Variants in PPP1R3F observed in about 807,000 individuals in gnomAD.
The protein encoded by PPP1R3F is protein phosphatase 1 regulatory subunit 3F.
A neutral mutation model predicts 24.2 loss-of-function variants in PPP1R3F; 29 were observed. That is an observed-to-expected ratio of 1.20 (90% CI 0.89 to 1.63). The LOEUF (loss-of-function observed/expected upper bound fraction) is 1.63. Among genes scored for constraint, PPP1R3F ranks in the 40% most tolerant of loss-of-function variants. The probability of loss-of-function intolerance (pLI) is 0.00; values close to 1 mark genes in which losing one functional copy is unlikely to be tolerated. For synonymous variants in PPP1R3F, 363 were observed against 340.1 expected (o/e 1.07, Z -0.74); for missense variants, 823 against 729.3 (o/e 1.13, Z -1.48).
At chrX:49,273,597 A>G (rs1014405473) in intron 1 of PPP1R3F, 14 of 112,490 alleles carry the variant, frequency 1.2e-4, no homozygotes, top group African/African-American at 4.5e-4. Flanking sequence ...TGGTGAGTAC[A>G]TTTCAACATA....
rs1205878535 is a variant in PPP1R3F, at chrX:49,270,048, C to G, written c.179C>G (p.Pro60Arg). The G allele has an allele frequency of 3.1e-6, 3 of 975,619 alleles. No individual in the cohort carries two copies. The African/African-American group carries it at 6.1e-5, about 20-fold the overall frequency. The allele number at this position is 975,619 out of a possible 1,213,427, so 80.4% of individuals were successfully genotyped here. A position where few individuals can be genotyped will look rare whatever the true frequency, so the allele number is the denominator to read the frequency against. The change falls in exon 1 of 4, where the codon CCC (proline) becomes CGC (arginine). Residue 60 changes from proline to arginine, a missense_variant. Coordinates refer to ENST00000055335, the MANE Select transcript of PPP1R3F (RefSeq NM_033215.5). ...QLRRYRPWGG[P>R]GAGKMAAAAG... ...CGCCGCTACCGGCCGTGGGGCGGGC[C>G]CGGGGCGGGCAAGATGGCGGCGGCG...
intron 1 of PPP1R3F, chrX:49,274,594 T>C (rs1432271744): frequency 8.9e-6 from 1 of 112,418 alleles, no homozygotes; most frequent in African/African-American, 3.2e-5. Context: ...CCCCTGGCTT[T>C]TTCATAGCAC....
rs35140303 is a variant in PPP1R3F, at chrX:49,300,477, G to GTTTT, written c.393-847_393-844dup. Among the ~76,000 whole-genome samples the GTTTT allele has an allele frequency of 1.1e-3, 75 of 70,364 alleles. 4 individuals carry two copies. The highest frequency in any genetic ancestry group is 2.3e-3 in the African/African-American group (32 of 13,618). The allele number at this position is 70,364 out of a possible 115,157, so 61.1% of individuals were successfully genotyped here. ...ATTTGGCCATCTTGCTATTGCTGCTGTTTTTTTTTTTTTTTTTTTTTTTTT... is the reference window on the plus strand; with the variant it reads ...ATTTGGCCATCTTGCTATTGCTGCTGTTTTTTTTTTTTTTTTTTTTTTTTTTTTT... On this transcript the variant is annotated intron_variant, in intron 3 of 3. Coordinates refer to the PPP1R3F transcript ENST00000471261.
At chrX:49,288,879 T>C (rs2066300881), downstream of PPP1R3F, among the ~76,000 whole-genome samples, 1 of 111,789 alleles carries the variant, frequency 8.9e-6, no homozygotes, top group African/African-American at 3.3e-5. Context: ...TGTGGCTCAC[T>C]CTTGTAATCC....
chrX:49,275,920 G>A (rs182963084), intron 1 of PPP1R3F, among the ~76,000 whole-genome samples: 26 of 112,538 alleles, frequency 2.3e-4, no homozygotes, highest in Admixed American at 8.4e-4. Context: ...TGAAGGGATG[G>A]GGATCCAACC....
intron 2 of PPP1R3F, among the ~76,000 whole-genome samples, chrX:49,281,764 G>A (rs1279377827): frequency 9.1e-6 from 1 of 110,359 alleles, no homozygotes; most frequent in Non-Finnish European, 1.9e-5. Flanking sequence ...GGAGGTTGAT[G>A]CTGCAGTGAG....
At chrX:49,284,509 C>CTTTTTTTTTTTTTTTTTTTTTTTTT (rs145170789) in intron 3 of PPP1R3F, among the ~76,000 whole-genome samples, 5 of 50,857 alleles carry the variant, frequency 9.8e-5, no homozygotes, top group Admixed American at 2.7e-4. Context: ...CTTTTTCTTT[C>CTTTTTTTTTTTTTTTTTTTTTTTTT]TTTTTTTTTT....
In PPP1R3F at chrX:49,270,581, G is replaced by A. The variant is rs1445991124; in HGVS notation, c.712G>A (p.Gly238Ser). ...QASASSPDDGGRTDRFAFQLP... is the reference protein window; with the variant it reads ...QASASSPDDGSRTDRFAFQLP... ...ATCCGCCTCCTCGCCCGACGACGGC[G>A]GCCGCACCGACCGCTTTGCCTTCCA... Residue 238 changes from glycine to serine, a missense_variant, in exon 1 of 4, where the codon GGC becomes AGC. By Grantham distance (56) the Gly-to-Ser change is moderately conservative. Coordinates refer to ENST00000055335, the MANE Select transcript of PPP1R3F (RefSeq NM_033215.5). 4 of 1,201,789 alleles carry A rather than the reference G, an allele frequency of 3.3e-6. No individual in the cohort carries two copies. The highest frequency in any genetic ancestry group is 2.3e-4 in the Middle Eastern group (1 of 4,280).
At chrX:49,278,504 C>G (rs1557120284) in intron 1 of PPP1R3F, among the ~76,000 whole-genome samples, 1 of 112,452 alleles carries the variant, frequency 8.9e-6, no homozygotes, top group Non-Finnish European at 1.9e-5. Flanking sequence ...CTCTGAATCT[C>G]TCTTTCTCAT....
chrX:49,288,584 T>G (rs782805721), downstream of PPP1R3F, among the ~76,000 whole-genome samples: 117 of 112,083 alleles, frequency 1.0e-3, no homozygotes, highest in Non-Finnish European at 2.0e-3. Context: ...TGGCACGATA[T>G]TTTTGCAAGA....
At chrX:49,274,190 G>A (rs1439194593) in intron 1 of PPP1R3F, 5 of 112,416 alleles carry the variant, frequency 4.4e-5, no homozygotes, top group African/African-American at 1.6e-4. Context: ...AGCAAACTGA[G>A]GCTCCCAGAG....
chrX:49,269,848 C>A lies in PPP1R3F; in HGVS notation c.-22C>A, dbSNP rs2066159058. On this transcript the variant is annotated 5_prime_UTR_variant, in exon 1 of 4. Transcript: ENST00000055335. ...CCGCCGGTCCCGCCGCCGGTGCCGT[C>A]GGTGCCGCCGCCGCCGCCGATATGG... is the stretch of plus-strand genomic sequence containing the variant. The A allele has an allele frequency of 3.4e-6, 3 of 881,147 alleles. No individual in the cohort carries two copies. The highest frequency in any genetic ancestry group is 4.2e-5 in the African/African-American group (2 of 47,225). The allele number at this position is 881,147 out of a possible 1,213,427, so 72.6% of individuals were successfully genotyped here.
rs1236602190 is a variant in PPP1R3F, at chrX:49,270,053, GCGGGCAAGATGGCGGCGGCGGC to G, written c.207_228del (p.Gly70AlafsTer95). Reference sequence around the variant, plus strand: ...CTACCGGCCGTGGGGCGGGCCCGGGGCGGGCAAGATGGCGGCGGCGGCCGGGCAAGATGGCGGCGGCGGCGGC... The same window carrying G: ...CTACCGGCCGTGGGGCGGGCCCGGGGCGGGCAAGATGGCGGCGGCGGCGGC... On this transcript the variant is annotated frameshift_variant, in exon 1 of 4. Coordinates refer to ENST00000055335, the MANE Select transcript of PPP1R3F (RefSeq NM_033215.5). LOFTEE classifies it high-confidence loss of function. The G allele has an allele frequency of 5.3e-5, 52 of 982,122 alleles. No individual in the cohort carries two copies. Among genetic ancestry groups the G allele is most frequent in the African/African-American group, 8.1e-5 (4 of 49,304 alleles). 80.9% of individuals were successfully genotyped at this position (982,122 alleles called of 1,213,427 possible). A position where few individuals can be genotyped will look rare whatever the true frequency, so the allele number is the denominator to read the frequency against.
Position 49,270,552 on chromosome X carries a change from A to G in PPP1R3F, c.683A>G (p.Gln228Arg), listed in dbSNP as rs916874847. The G allele has an allele frequency of 8.3e-7, 1 of 1,204,068 alleles. No homozygotes were observed. Among genetic ancestry groups the G allele is most frequent in the Non-Finnish European group, 1.1e-6 (1 of 894,187 alleles). Reference sequence around the variant, plus strand: ...CCGGGGCTCGGCCTGGGTCCCGGCCAGGCATCCGCCTCCTCGCCCGACGAC... The same window carrying G: ...CCGGGGCTCGGCCTGGGTCCCGGCCGGGCATCCGCCTCCTCGCCCGACGAC... ...LDPGLGLGPG[Q>R]ASASSPDDGG... Residue 228 changes from glutamine to arginine, a missense_variant, in exon 1 of 4, where the codon CAG (glutamine) becomes CGG (arginine). Transcript: ENST00000055335.
In PPP1R3F at chrX:49,287,068, T is replaced by A; in HGVS notation, c.2378T>A (p.Leu793His). 8.3e-7 allele frequency: 1 copy of A among 1,210,906 alleles called. No homozygotes were observed. The highest frequency in any genetic ancestry group is 1.1e-6 in the Non-Finnish European group (1 of 895,495). Residue 793 changes from leucine to histidine, a missense_variant, in exon 4 of 4, where the codon CTC becomes CAC. Transcript: ENST00000055335. ...GVSLLVLALCLSLAWFS is the reference protein window; with the variant it reads ...GVSLLVLALCHSLAWFS ...TCCCTCCTGGTGCTTGCGCTGTGCC[T>A]CTCTCTGGCTTGGTTCTCATAGGCT...
At chrX:49,281,900 C>T in intron 2 of PPP1R3F, 81 bp from the exon 3 acceptor site, 1 of 743,322 alleles carries the variant, frequency 1.3e-6, no homozygotes, top group Non-Finnish European at 2.1e-6. Flanking sequence ...TGCCAGTTGG[C>T]TAGGATGGCA....
rs2066291011 is a variant in PPP1R3F, at chrX:49,287,009, A to G, written c.2319A>G (p.Leu773=). 1 of 1,211,880 alleles carries G rather than the reference A, an allele frequency of 8.3e-7. No individual in the cohort carries two copies. The highest frequency in any genetic ancestry group is 1.1e-6 in the Non-Finnish European group (1 of 895,513). ...LTQTLGVLAG[L]VVVPVALNSG... Reference sequence around the variant, plus strand: ...AGACTCTGGGGGTCCTGGCCGGGCTAGTGGTGGTCCCTGTGGCTCTGAACA... The same window carrying G: ...AGACTCTGGGGGTCCTGGCCGGGCTGGTGGTGGTCCCTGTGGCTCTGAACA... The change falls in exon 4 of 4, where the codon CTA becomes CTG. Residue 773 remains leucine (L), a synonymous_variant. Transcript: ENST00000055335.
intron 3 of PPP1R3F, among the ~76,000 whole-genome samples, chrX:49,295,074 C>T (rs782763539): frequency 2.8e-5 from 3 of 109,089 alleles, no homozygotes; most frequent in East Asian, 5.7e-4. Context: ...TGACATGATA[C>T]GATTATGTGG....
chrX:49,282,443 CTGTGTGTGTGTGTGTGTGTGTGTGTG>C (rs545507997), intron 3 of PPP1R3F, among the ~76,000 whole-genome samples: 13 of 73,950 alleles, frequency 1.8e-4, no homozygotes, highest in African/African-American at 3.8e-4. Context: ...GTGAGAGACT[CTGTGTGTGTGTGTGTGTGTGTGTGTG>C]TGTGTGTGTG....
Sources: allele counts gnomAD v4.1 joint callset (sites outside exome capture counted in the v4.1 genomes callset), GRCh38; gene constraint gnomAD v4.1.1; transcripts MANE v1.5; gene names NCBI Gene and HGNC (gene_info 2026-07-23, HGNC 2026-07-21).